Variants in ARHGAP19 observed in about 807,000 individuals in gnomAD.
ARHGAP19 encodes rho GTPase-activating protein 19.
ARHGAP19 carries 48 observed loss-of-function variants against 60.9 expected under a neutral mutation model. That is an observed-to-expected ratio of 0.79 (90% CI 0.62 to 1.00). The LOEUF is 1.00. ARHGAP19 is among the 50% of genes least tolerant of loss of function. ARHGAP19 has a pLI of 0.00. For synonymous variants in ARHGAP19, 209 were observed against 215.5 expected (o/e 0.97, Z 0.27); for missense variants, 562 against 597.2 (o/e 0.94, Z 0.61).
At chr10:97,256,253 C>T in intron 6 of ARHGAP19, 65 bp downstream of exon 6, 3 of 1,290,496 alleles carry the variant, frequency 2.3e-6, no homozygotes, top group South Asian at 1.2e-5. Flanking sequence ...TATAGCCCCA[C>T]TTAGGATCCC....
In ARHGAP19 at chr10:97,222,297, A is replaced by C. The variant is rs952043019; in HGVS notation, c.*3825T>G. On this transcript the variant is annotated 3_prime_UTR_variant, in exon 12 of 12. Coordinates refer to ENST00000358531, the MANE Select transcript of ARHGAP19 (RefSeq NM_032900.6). ...TCAAATAAGAATGAAAACTTTAACC[A>C]AAACACTTAAGAAACCTTGTTTCTC... The C allele has an allele frequency of 2.0e-5, 3 of 152,276 alleles. No individual in the cohort carries two copies. The South Asian group carries it at 6.2e-4, about 31-fold the overall frequency. 9.4% of individuals were successfully genotyped at this position (152,276 alleles called of 1,614,324 possible).
At chr10:97,254,915 T>C (rs1842733787) in intron 6 of ARHGAP19, among the ~76,000 whole-genome samples, 1 of 152,184 alleles carries the variant, frequency 6.6e-6, no homozygotes. Context: ...CACATGCTAC[T>C]GTGTGGATGA....
intron 1 of ARHGAP19, among the ~76,000 whole-genome samples, chr10:97,287,393 T>C (rs1843169212): frequency 6.6e-6 from 1 of 152,204 alleles, no homozygotes; most frequent in Admixed American, 6.5e-5. Flanking sequence ...GTGTTCCTCA[T>C]CAACAGGTCA....
intron 9 of ARHGAP19, among the ~76,000 whole-genome samples, chr10:97,231,552 A>T (rs1851017283): frequency 6.6e-6 from 1 of 152,204 alleles, no homozygotes; most frequent in African/African-American, 2.4e-5. Flanking sequence ...CAGTGGAATC[A>T]TACAGTATTT....
chr10:97,260,586 T>C (rs1162714556), intron 4 of ARHGAP19, among the ~76,000 whole-genome samples: 3 of 151,862 alleles, frequency 2.0e-5, no homozygotes, highest in South Asian at 2.1e-4. Flanking sequence ...CACAATGACA[T>C]ACCACTTCAT....
chr10:97,235,431 G>T, intron 8 of ARHGAP19, 116 bp from the exon 9 acceptor site: 1 of 834,790 alleles, frequency 1.2e-6, no homozygotes, highest in Non-Finnish European at 1.8e-6. Context: ...TCTGCGCATA[G>T]ATGGATTAGG....
Position 97,291,767 on chromosome 10 carries a change from AACTCAATCTATTGAATT to A in ARHGAP19, c.56+788_56+804del, listed in dbSNP as rs1843235690. Among the ~76,000 whole-genome samples, 4 of 152,340 alleles carry A rather than the reference AACTCAATCTATTGAATT, an allele frequency of 2.6e-5. No homozygotes were observed. The South Asian group carries it at 8.3e-4, about 32-fold the overall frequency. On this transcript the variant is annotated intron_variant, in intron 1 of 11. Transcript: ENST00000358531. Reference sequence around the variant, plus strand: ...GAGTTACACTGAGGCAACGTAAATAAACTCAATCTATTGAATTACACCAAAAACAAAATTGTAATCAA... The same window carrying A: ...GAGTTACACTGAGGCAACGTAAATAAACACCAAAAACAAAATTGTAATCAA...
rs1252447292 is a variant in ARHGAP19, at chr10:97,225,979, A to G, written c.*143T>C. 2 of 783,126 alleles carry G rather than the reference A, an allele frequency of 2.6e-6. No individual in the cohort carries two copies. Among genetic ancestry groups the G allele is most frequent in the Admixed American group, 5.0e-5 (2 of 40,074 alleles). The allele number at this position is 783,126 out of a possible 1,614,324, so 48.5% of individuals were successfully genotyped here. On this transcript the variant is annotated 3_prime_UTR_variant, in exon 12 of 12. Coordinates refer to ENST00000358531, the MANE Select transcript of ARHGAP19 (RefSeq NM_032900.6). ...TCCAGTGAGTGGGGTTAGAGGTATC[A>G]GTCGGGTCACGGTATTAGTTGGCTT...
intron 6 of ARHGAP19, among the ~76,000 whole-genome samples, chr10:97,252,115 A>C (rs1400207858): frequency 6.6e-6 from 1 of 152,072 alleles, no homozygotes; most frequent in East Asian, 1.9e-4. Context: ...GGACAGAACT[A>C]GTAATAGTTA....
rs1842978405 is a variant in ARHGAP19, at chr10:97,272,929, C to T, written c.57-6804G>A. Among the ~76,000 whole-genome samples the T allele has an allele frequency of 2.0e-5, 3 of 151,574 alleles. No homozygotes were observed. In the South Asian group the frequency reaches 6.2e-4, roughly 32 times the overall value. ...GATCTCGGCTGACTGCAAGCTCTGCCTCCTGGGTTCACGCCATTCTCCTGC... is the reference window on the plus strand; with the variant it reads ...GATCTCGGCTGACTGCAAGCTCTGCTTCCTGGGTTCACGCCATTCTCCTGC... On this transcript the variant is annotated intron_variant, in intron 1 of 11. Coordinates refer to ENST00000358531, the MANE Select transcript of ARHGAP19 (RefSeq NM_032900.6).
At chr10:97,255,327 C>T (rs1383392782) in intron 6 of ARHGAP19, among the ~76,000 whole-genome samples, 1 of 152,142 alleles carries the variant, frequency 6.6e-6, no homozygotes, top group Admixed American at 6.6e-5. Context: ...GCCTGTAATC[C>T]CAGCACTTTG....
Position 97,292,562 on chromosome 10 carries a change from C to T in ARHGAP19, c.56+10G>A. On this transcript the variant is annotated intron_variant, in intron 1 of 11. Coordinates refer to ENST00000358531, the MANE Select transcript of ARHGAP19 (RefSeq NM_032900.6). ...GCGTTTCCCAGGAAACTGGACCAAA[C>T]TCAGCTCACCTCCGGCCGGATTCGC... is the stretch of plus-strand genomic sequence containing the variant. The T allele has an allele frequency of 6.2e-7, 1 of 1,614,226 alleles. No homozygotes were observed. Among genetic ancestry groups the T allele is most frequent in the Non-Finnish European group, 8.5e-7 (1 of 1,180,040 alleles).
intron 1 of ARHGAP19, among the ~76,000 whole-genome samples, chr10:97,267,375 T>G (rs1402288435): frequency 6.6e-6 from 1 of 152,256 alleles, no homozygotes; most frequent in Non-Finnish European, 1.5e-5. Context: ...CATTCCTGGT[T>G]GCTTTCACAG....
rs543967799 is a variant in ARHGAP19, at chr10:97,252,161, T to C, written c.927+4157A>G. ...TAGGAAAAATGATAAAGCAGGAACA[T>C]AGCAAGACCTCATCTCTACAAAAAA... On this transcript the variant is annotated intron_variant, in intron 6 of 11. Coordinates refer to ENST00000358531, the MANE Select transcript of ARHGAP19 (RefSeq NM_032900.6). Among the ~76,000 whole-genome samples, 14 of 152,064 alleles carry C rather than the reference T, an allele frequency of 9.2e-5. No homozygotes were observed. The East Asian group carries it at 2.5e-3, about 27-fold the overall frequency.
At chr10:97,290,126 G>C (rs1388260326) in intron 1 of ARHGAP19, among the ~76,000 whole-genome samples, 1 of 152,124 alleles carries the variant, frequency 6.6e-6, no homozygotes, top group Non-Finnish European at 1.5e-5. Context: ...CTTTGTATGG[G>C]AACTCTGTTT....
chr10:97,270,670 T>A (rs931112829), intron 1 of ARHGAP19: 2 of 1,544,768 alleles, frequency 1.3e-6, no homozygotes, highest in Admixed American at 2.0e-5. Context: ...AGCTTTCCCC[T>A]TGTTTGTTGT....
intron 11 of ARHGAP19, among the ~76,000 whole-genome samples, chr10:97,227,501 A>G (rs1453367429): frequency 6.6e-6 from 1 of 152,254 alleles, no homozygotes; most frequent in Non-Finnish European, 1.5e-5. Context: ...GTAGTGGAAT[A>G]GGCAAACAAC....
At position 97,223,243 on chromosome 10, in the gene ARHGAP19, G is replaced by C. The variant is rs1213953789; in HGVS notation, c.*2879C>G. 2 of 152,124 alleles carry C rather than the reference G, an allele frequency of 1.3e-5. No individual in the cohort carries two copies. Among genetic ancestry groups the C allele is most frequent in the Non-Finnish European group, 2.9e-5 (2 of 68,046 alleles). 9.4% of individuals were successfully genotyped at this position (152,124 alleles called of 1,614,324 possible). A position where few individuals can be genotyped will look rare whatever the true frequency, so the allele number is the denominator to read the frequency against. ...TTTGCGGAGGATCAACTGTAGTTTT[G>C]GTTACGATTCATTACCTGCTCCTTT... On this transcript the variant is annotated 3_prime_UTR_variant, in exon 12 of 12. Transcript: ENST00000358531.
chr10:97,271,604 A>T (rs1842960075), intron 1 of ARHGAP19, among the ~76,000 whole-genome samples: 1 of 152,034 alleles, frequency 6.6e-6, no homozygotes, highest in Non-Finnish European at 1.5e-5. Context: ...AAGCAAATTT[A>T]AAAATAGTAT....
Sources: gnomAD v4.1 joint callset for allele counts (sites outside exome capture counted in the v4.1 genomes callset) on GRCh38, gnomAD v4.1.1 for gene constraint, MANE v1.5 for transcripts, NCBI Gene and HGNC (gene_info 2026-07-23, HGNC 2026-07-21) for gene names.